MAN1A2: variants seen among roughly 807,000 people sequenced by gnomAD.
The protein encoded by MAN1A2 is mannosidase alpha class 1A member 2, also known as mannosyl-oligosaccharide 1,2-alpha-mannosidase IB.
In MAN1A2, 26 loss-of-function variants were observed where a neutral mutation model predicts 75.7. That is an observed-to-expected ratio of 0.34 (90% confidence interval 0.25 to 0.48). The LOEUF (loss-of-function observed/expected upper bound fraction) is 0.48. MAN1A2 is among the 20% of genes least tolerant of loss of function. The pLI, the probability that MAN1A2 is intolerant of heterozygous loss-of-function variation, is 0.99. For missense variants in MAN1A2, 562 were observed against 775.5 expected, an observed-to-expected ratio of 0.72 and a Z score of 3.27; for synonymous variants, 247 against 264.6, an observed-to-expected ratio of 0.93 and a Z score of 0.65.
chr1:117,523,154 T>C lies in MAN1A2; in HGVS notation c.*197T>C, dbSNP rs1007509490. 1.0e-5 allele frequency: 7 copies of C among 686,074 alleles called. No homozygotes were observed. The highest frequency in any genetic ancestry group is 1.9e-5 in the Non-Finnish European group (7 of 370,640). 42.5% of individuals were successfully genotyped at this position (686,074 alleles called of 1,614,324 possible). ...CCATTTTATACCTGACCAAAACATG[T>C]TCTGATATGTGTAGGACAGAGACCT... On this transcript the variant is annotated 3_prime_UTR_variant, in exon 13 of 13. Transcript: ENST00000356554.
intron 1 of MAN1A2, among the ~76,000 whole-genome samples, chr1:117,376,214 A>G (rs532789654): frequency 6.6e-5 from 10 of 152,144 alleles, no homozygotes; most frequent in Non-Finnish European, 1.2e-4. Context: ...CCCGGCCCTA[A>G]TTTATGTATT....
At chr1:117,470,122 TACTC>T (rs745347763) in intron 8 of MAN1A2, among the ~76,000 whole-genome samples, 6 of 152,170 alleles carry the variant, frequency 3.9e-5, no homozygotes, top group Non-Finnish European at 7.4e-5. Flanking sequence ...AATGGACTAT[TACTC>T]AGCCATAAAA....
intron 12 of MAN1A2, among the ~76,000 whole-genome samples, chr1:117,521,164 T>C (rs61807766): frequency 0.12 from 18,879 of 151,932 alleles, 1,233 homozygotes; most frequent in Non-Finnish European, 0.14. Flanking sequence ...AAAATCAACA[T>C]AAGATGGATT....
chr1:117,378,525 T>G (rs1417019248), intron 1 of MAN1A2, among the ~76,000 whole-genome samples: 2 of 152,188 alleles, frequency 1.3e-5, no homozygotes, highest in Non-Finnish European at 2.9e-5. Context: ...TTTAGTTTTT[T>G]TTGTTGTTGT....
At chr1:117,460,386 T>C (rs1649778820) in intron 6 of MAN1A2, 103 bp from the exon 7 acceptor site, 1 of 686,866 alleles carries the variant, frequency 1.5e-6, no homozygotes, top group Non-Finnish European at 2.4e-6. Flanking sequence ...GTGTCAGATA[T>C]AATAATTTAT....
At chr1:117,522,683 G>A (rs2101035948) in intron 12 of MAN1A2, 142 bp from the exon 13 acceptor site, 2 of 681,326 alleles carry the variant, frequency 2.9e-6, no homozygotes, top group African/African-American at 1.8e-5. Flanking sequence ...GATCATTTGG[G>A]TGTCTGAGGT....
At chr1:117,468,363 T>C (rs1650043161) in intron 8 of MAN1A2, among the ~76,000 whole-genome samples, 1 of 152,170 alleles carries the variant, frequency 6.6e-6, no homozygotes. Flanking sequence ...AGCAACTCAT[T>C]TCCAGCAATT....
chr1:117,417,451 A>C (rs1008026359), intron 4 of MAN1A2, among the ~76,000 whole-genome samples: 3 of 147,690 alleles, frequency 2.0e-5, no homozygotes, highest in African/African-American at 7.5e-5. Flanking sequence ...TTTGGATTAA[A>C]TTACATCATC....
intron 8 of MAN1A2, among the ~76,000 whole-genome samples, chr1:117,473,282 G>A (rs968024777): frequency 1.3e-5 from 2 of 151,640 alleles, no homozygotes; most frequent in African/African-American, 4.8e-5. Context: ...CAGTTTCTCA[G>A]CAAATTCTGT....
intron 8 of MAN1A2, among the ~76,000 whole-genome samples, chr1:117,486,979 T>G (rs1290539): frequency 0.79 from 119,782 of 151,814 alleles, 47,750 homozygotes; most frequent in African/African-American, 0.9. Context: ...TGAGTGTGAG[T>G]AAGTAAGATT....
At chr1:117,375,978 C>G (rs1035335031) in intron 1 of MAN1A2, among the ~76,000 whole-genome samples, 10 of 148,292 alleles carry the variant, frequency 6.7e-5, no homozygotes, top group African/African-American at 2.3e-4. Flanking sequence ...GTGGCGCGAT[C>G]TCGGCTCACT....
intron 8 of MAN1A2, among the ~76,000 whole-genome samples, chr1:117,482,438 T>C (rs562185053): frequency 7.9e-5 from 12 of 152,224 alleles, no homozygotes; most frequent in Non-Finnish European, 1.5e-4. Context: ...TATCTCATTG[T>C]GGTTTTGATT....
intron 1 of MAN1A2, among the ~76,000 whole-genome samples, chr1:117,378,121 T>C (rs902950740): frequency 4.6e-5 from 7 of 151,968 alleles, no homozygotes; most frequent in Non-Finnish European, 1.0e-4. Context: ...AATAAATAAA[T>C]AAATAAATAA....
intron 8 of MAN1A2, among the ~76,000 whole-genome samples, chr1:117,469,387 A>G (rs1238850895): frequency 6.6e-6 from 1 of 152,112 alleles, no homozygotes; most frequent in East Asian, 1.9e-4. Flanking sequence ...AATCTTCGTG[A>G]CCTTTGATTT....
chr1:117,424,009 T>C (rs1263470535), intron 5 of MAN1A2, among the ~76,000 whole-genome samples: 1 of 151,568 alleles, frequency 6.6e-6, no homozygotes, highest in Admixed American at 6.6e-5. Flanking sequence ...CAGCCTTCCA[T>C]AATTGATTTT....
chr1:117,484,201 G>C (rs1204423164), intron 8 of MAN1A2, among the ~76,000 whole-genome samples: 1 of 151,842 alleles, frequency 6.6e-6, no homozygotes, highest in Non-Finnish European at 1.5e-5. Context: ...GTAAGCCAGA[G>C]AAAATAAAAT....
intron 8 of MAN1A2, 31 bp downstream of exon 8, chr1:117,466,458 TA>T (rs1557962393): frequency 1.4e-6 from 2 of 1,385,886 alleles, no homozygotes; most frequent in Non-Finnish European, 2.0e-6. Context: ...GAGGCTTTCT[TA>T]AAAAATTATT....
chr1:117,404,191 G>C (rs1647539192), intron 2 of MAN1A2, among the ~76,000 whole-genome samples: 1 of 152,112 alleles, frequency 6.6e-6, no homozygotes, highest in Non-Finnish European at 1.5e-5. Flanking sequence ...CTGTGTTCTT[G>C]AGATACATTG....
rs527374086 is a variant in MAN1A2, at chr1:117,526,352, C to T, written c.*3395C>T. Reference sequence around the variant, plus strand: ...CATTTTAAATGTTTCCAATATGAATCGTGTTACAAAATTCTTAATTTTATA... The same window carrying T: ...CATTTTAAATGTTTCCAATATGAATTGTGTTACAAAATTCTTAATTTTATA... On this transcript the variant is annotated 3_prime_UTR_variant, in exon 13 of 13. Coordinates refer to ENST00000356554, the MANE Select transcript of MAN1A2 (RefSeq NM_006699.5). The T allele has an allele frequency of 8.6e-5, 13 of 151,134 alleles. No individual in the cohort carries two copies. The highest frequency in any genetic ancestry group is 1.2e-4 in the African/African-American group (5 of 41,206). 9.4% of individuals were successfully genotyped at this position (151,134 alleles called of 1,614,324 possible).
Sources: allele counts gnomAD v4.1 joint callset (sites outside exome capture counted in the v4.1 genomes callset), GRCh38; gene constraint gnomAD v4.1.1; transcripts MANE v1.5; gene names NCBI Gene and HGNC (gene_info 2026-07-23, HGNC 2026-07-21).